The following ATP13A4 variants were observed in gnomAD, a reference collection of about 807,000 sequenced individuals.
ATP13A4 encodes the protein ATPase 13A4, also known as probable cation-transporting ATPase 13A4.
In ATP13A4, 114 loss-of-function variants were observed where a neutral mutation model predicts 142.5. The observed-to-expected ratio is 0.80, with a 90% CI of 0.69 to 0.93. The LOEUF (loss-of-function observed/expected upper bound fraction) is 0.93, where lower values mean the gene tolerates loss of function less well. Among genes scored for constraint, ATP13A4 ranks in the 40% least tolerant of loss-of-function variants. The probability of loss-of-function intolerance (pLI) is 0.00; values close to 1 mark genes in which losing one functional copy is unlikely to be tolerated. For synonymous variants in ATP13A4, 488 were observed against 514.8 expected, an observed-to-expected ratio of 0.95 and a Z score of 0.70; for missense variants, 1,392 against 1,454.0, an observed-to-expected ratio of 0.96 and a Z score of 0.69.
At chr3:193,586,080 TATACACAC>T (rs1204738425) in intron 1 of ATP13A4, among the ~76,000 whole-genome samples, 1 of 52,062 alleles carries the variant, frequency 1.9e-5, no homozygotes, top group Non-Finnish European at 3.4e-5. Context: ...TCTGTATATG[TATACACAC>T]ATACACACAC....
intron 2 of ATP13A4, among the ~76,000 whole-genome samples, chr3:193,511,114 C>T (rs956029037): frequency 3.9e-5 from 6 of 152,092 alleles, no homozygotes; most frequent in African/African-American, 1.4e-4. Flanking sequence ...TCTGGCATAG[C>T]AGATCCATTT....
chr3:193,455,799 A>G (rs1197090084), intron 16 of ATP13A4, among the ~76,000 whole-genome samples: 2 of 152,226 alleles, frequency 1.3e-5, no homozygotes, highest in Non-Finnish European at 1.5e-5. Flanking sequence ...ATGCCCATCA[A>G]TGGTAGACTG....
intron 10 of ATP13A4, among the ~76,000 whole-genome samples, chr3:193,467,011 T>G (rs1718330113): frequency 6.6e-6 from 1 of 152,142 alleles, no homozygotes. Context: ...AATAATAACT[T>G]AATTATATAT....
At chr3:193,447,753 T>C (rs2108628234) in intron 18 of ATP13A4, among the ~76,000 whole-genome samples, 1 of 152,304 alleles carries the variant, frequency 6.6e-6, no homozygotes, top group African/African-American at 2.4e-5. Context: ...TTTTCTTAAA[T>C]TTCTAGAATC....
At chr3:193,505,468 T>A (rs13072847) in intron 2 of ATP13A4, among the ~76,000 whole-genome samples, 1 of 152,002 alleles carries the variant, frequency 6.6e-6, no homozygotes, top group African/African-American at 2.4e-5. Flanking sequence ...CATAATATTA[T>A]CAAATCAAAG....
At chr3:193,418,046 C>CCGA (rs1715180374) in intron 25 of ATP13A4, among the ~76,000 whole-genome samples, 1 of 127,212 alleles carries the variant, frequency 7.9e-6, no homozygotes, top group Admixed American at 9.9e-5. Context: ...GGCGTGAACC[C>CCGA]GGGAGGCAGA....
chr3:193,489,960 A>C (rs957916006), intron 6 of ATP13A4, 96 bp from the exon 7 acceptor site: 2 of 1,299,150 alleles, frequency 1.5e-6, no homozygotes, highest in Admixed American at 1.8e-5. Context: ...CATGACATAC[A>C]TCATCCCACA....
At chr3:193,527,558 G>A (rs1722074711) in intron 1 of ATP13A4, among the ~76,000 whole-genome samples, 1 of 151,528 alleles carries the variant, frequency 6.6e-6, no homozygotes, top group Non-Finnish European at 1.5e-5. Context: ...GCTGCAGTGA[G>A]CTGAGATCAC....
At chr3:193,462,518 G>A (rs1311420342) in intron 13 of ATP13A4, among the ~76,000 whole-genome samples, 1 of 152,180 alleles carries the variant, frequency 6.6e-6, no homozygotes, top group Non-Finnish European at 1.5e-5. Context: ...TTTGAATGCA[G>A]TGTCAAAGCT....
chr3:193,548,648 T>C (rs1723359591), intron 1 of ATP13A4, among the ~76,000 whole-genome samples: 1 of 152,116 alleles, frequency 6.6e-6, no homozygotes, highest in South Asian at 2.1e-4. Context: ...GCTATTGAGG[T>C]GGGGGAGGTG....
intron 1 of ATP13A4, among the ~76,000 whole-genome samples, chr3:193,584,861 A>G (rs996424763): frequency 6.6e-6 from 1 of 152,174 alleles, no homozygotes; most frequent in African/African-American, 2.4e-5. Context: ...AAATGAACAA[A>G]TCTTCGCTAT....
At position 193,402,712 on chromosome 3, in the gene ATP13A4, C is replaced by T; in HGVS notation, c.3531G>A (p.Glu1177=). The T allele has an allele frequency of 6.8e-7, 1 of 1,470,718 alleles. No individual in the cohort carries two copies. The highest frequency in any genetic ancestry group is 2.3e-5 in the East Asian group (1 of 44,170). 91.1% of individuals were successfully genotyped at this position (1,470,718 alleles called of 1,614,324 possible). A position where few individuals can be genotyped will look rare whatever the true frequency, so the allele number is the denominator to read the frequency against. Residue 1177 remains glutamate, a synonymous_variant, in exon 30 of 30, where the codon GAG becomes GAA. Coordinates refer to ENST00000342695, the MANE Select transcript of ATP13A4 (RefSeq NM_032279.4). ...TGCTGTAAGACACTCCTCTGCCACA[C>T]TCCGGCATGTCAGAGTGGGAGGTTT... The part of the protein sequence containing the change: ...LNQTSHSDMP[E]CGRGVSYSNP...
At chr3:193,529,280 A>G (rs1241081473) in intron 1 of ATP13A4, among the ~76,000 whole-genome samples, 1 of 151,980 alleles carries the variant, frequency 6.6e-6, no homozygotes, top group African/African-American at 2.4e-5. Flanking sequence ...CAAAAAAAAA[A>G]AAATTGACTT....
chr3:193,574,712 T>C (rs528538307), intron 2 of ATP13A4, among the ~76,000 whole-genome samples: 1 of 152,184 alleles, frequency 6.6e-6, no homozygotes, highest in African/African-American at 2.4e-5. Context: ...TGAGACTCCA[T>C]CAAAAAACAA....
At chr3:193,550,176 A>G (rs1337678489) in intron 1 of ATP13A4, among the ~76,000 whole-genome samples, 1 of 152,242 alleles carries the variant, frequency 6.6e-6, no homozygotes, top group Admixed American at 6.5e-5. Flanking sequence ...GAAGAAATAC[A>G]ATTGCACCAT....
At chr3:193,492,345 AG>A (rs1223844637) in intron 5 of ATP13A4, among the ~76,000 whole-genome samples, 1 of 152,138 alleles carries the variant, frequency 6.6e-6, no homozygotes, top group Non-Finnish European at 1.5e-5. Context: ...AGAGAGGAAA[AG>A]GTATTTGTTC....
chr3:193,429,547 A>G (rs528529884), intron 25 of ATP13A4, among the ~76,000 whole-genome samples: 52 of 151,842 alleles, frequency 3.4e-4, no homozygotes, highest in African/African-American at 1.2e-3. Flanking sequence ...GCCTGACTTC[A>G]TTTATATGAA....
At chr3:193,534,858 T>C (rs1454929520) in intron 1 of ATP13A4, among the ~76,000 whole-genome samples, 8 of 151,958 alleles carry the variant, frequency 5.3e-5, no homozygotes, top group African/African-American at 1.5e-4. Flanking sequence ...GACATAAACC[T>C]ACAAATTTGA....
intron 1 of ATP13A4, chr3:193,554,243 T>C: frequency 5.5e-6 from 1 of 181,752 alleles, no homozygotes; most frequent in Non-Finnish European, 1.2e-5. Context: ...TGATAATTGT[T>C]AATATTGCAT....
Sources: gnomAD v4.1 joint callset for allele counts (sites outside exome capture counted in the v4.1 genomes callset) on GRCh38, gnomAD v4.1.1 for gene constraint, MANE v1.5 for transcripts, NCBI Gene and HGNC (gene_info 2026-07-23, HGNC 2026-07-21) for gene names.